Variants in AGBL4 observed in about 807,000 individuals in gnomAD.
The protein encoded by AGBL4 is AGBL carboxypeptidase 4, also known as cytosolic carboxypeptidase 6.
In AGBL4, 58 loss-of-function variants were observed where a neutral mutation model predicts 66.4. The ratio of observed to expected loss-of-function variants is 0.87; its 90% CI spans 0.71 to 1.09. AGBL4 has a LOEUF of 1.09. AGBL4 is among the 50% of genes least tolerant of loss of function. The pLI is 0.00. For missense variants in AGBL4, 579 were observed against 631.0 expected, an observed-to-expected ratio of 0.92 and a Z score of 0.88; for synonymous variants, 234 against 222.9, an observed-to-expected ratio of 1.05 and a Z score of -0.44.
chr1:48,995,277 C>G (rs905525379), intron 5 of AGBL4, among the ~76,000 whole-genome samples: 4 of 152,194 alleles, frequency 2.6e-5, no homozygotes, highest in Admixed American at 6.5e-5. Flanking sequence ...CTATCACAAC[C>G]TCTGGGCTTC....
intron 3 of AGBL4, among the ~76,000 whole-genome samples, chr1:49,261,389 T>C (rs1220373373): frequency 1.3e-5 from 2 of 152,194 alleles, no homozygotes; most frequent in Non-Finnish European, 2.9e-5. Flanking sequence ...GCAGACGACA[T>C]GATTGTATAT....
At chr1:49,508,911 C>T (rs947622695) in intron 3 of AGBL4, among the ~76,000 whole-genome samples, 1 of 151,658 alleles carries the variant, frequency 6.6e-6, no homozygotes, top group African/African-American at 2.4e-5. Context: ...TATGCCCAAA[C>T]TCAATTCATC....
intron 5 of AGBL4, among the ~76,000 whole-genome samples, chr1:49,019,896 A>G (rs764759992): frequency 6.6e-6 from 1 of 152,204 alleles, no homozygotes; most frequent in Non-Finnish European, 1.5e-5. Context: ...CTGATCTTTA[A>G]AATGGACAGA....
intron 4 of AGBL4, among the ~76,000 whole-genome samples, chr1:49,243,071 A>C (rs1225321556): frequency 6.6e-6 from 1 of 151,206 alleles, no homozygotes. Flanking sequence ...ACACACATAC[A>C]TACATATATG....
intron 6 of AGBL4, among the ~76,000 whole-genome samples, chr1:48,826,521 T>C (rs1646429631): frequency 6.6e-6 from 1 of 152,124 alleles, no homozygotes; most frequent in South Asian, 2.1e-4. Context: ...ATAAGCTTCA[T>C]TCAAAGAGAC....
At chr1:49,915,247 G>A (rs1476253549) in intron 1 of AGBL4, among the ~76,000 whole-genome samples, 4 of 152,044 alleles carry the variant, frequency 2.6e-5, no homozygotes, top group African/African-American at 7.3e-5. Flanking sequence ...GCAGGACAGT[G>A]GGTGCAGCCC....
chr1:48,796,606 A>G (rs1645680569), intron 6 of AGBL4, among the ~76,000 whole-genome samples: 2 of 152,248 alleles, frequency 1.3e-5, no homozygotes, highest in African/African-American at 4.8e-5. Context: ...CAGCCAGGAC[A>G]AGAAGAATCC....
At chr1:49,164,867 G>A (rs1425929256) in intron 4 of AGBL4, among the ~76,000 whole-genome samples, 1 of 152,128 alleles carries the variant, frequency 6.6e-6, no homozygotes, top group African/African-American at 2.4e-5. Context: ...GTGACCAAGG[G>A]TTTCTATAAA....
chr1:48,533,035 C>CCCAA lies in AGBL4; in HGVS notation c.*1137_*1138insTTGG, dbSNP rs113596706. The CCCAA allele has an allele frequency of 0.22, 33,855 of 150,814 alleles. 4,042 individuals are homozygous for CCCAA. Among genetic ancestry groups the CCCAA allele is most frequent in the African/African-American group, 0.32 (13,154 of 41,174 alleles). The allele number at this position is 150,814 out of a possible 1,614,324, so 9.3% of individuals were successfully genotyped here. A position where few individuals can be genotyped will look rare whatever the true frequency, so the allele number is the denominator to read the frequency against. ...TGTAGCAAACTTCAATAATCTCCAACTCAAACAAACAAACAAACAAACAAA... is the reference window on the plus strand; with the variant it reads ...TGTAGCAAACTTCAATAATCTCCAACCCAATCAAACAAACAAACAAACAAACAAA... On this transcript the variant is annotated 3_prime_UTR_variant, in exon 14 of 14. Transcript: ENST00000371839.
chr1:49,820,815 C>T (rs550271285), intron 2 of AGBL4, among the ~76,000 whole-genome samples: 6 of 152,186 alleles, frequency 3.9e-5, no homozygotes, highest in South Asian at 4.2e-4. Flanking sequence ...TTTTGAGGTC[C>T]GGTAGGCCTG....
At chr1:49,703,792 G>A (rs1193447061) in intron 2 of AGBL4, among the ~76,000 whole-genome samples, 1 of 151,958 alleles carries the variant, frequency 6.6e-6, no homozygotes, top group Non-Finnish European at 1.5e-5. Flanking sequence ...CTTACTTACA[G>A]ATGAGAGTGT....
intron 6 of AGBL4, among the ~76,000 whole-genome samples, chr1:48,843,123 T>G (rs1646841588): frequency 6.6e-6 from 1 of 152,162 alleles, no homozygotes; most frequent in African/African-American, 2.4e-5. Flanking sequence ...TAATTTTACT[T>G]AACTCTACTG....
chr1:48,617,616 A>C (rs967998679), intron 9 of AGBL4, among the ~76,000 whole-genome samples: 1 of 152,118 alleles, frequency 6.6e-6, no homozygotes, highest in Non-Finnish European at 1.5e-5. Context: ...TTTTAACTGC[A>C]TCCCTCCTAC....
At chr1:49,823,788 G>GTC (rs1205809445) in intron 2 of AGBL4, among the ~76,000 whole-genome samples, 2 of 151,914 alleles carry the variant, frequency 1.3e-5, no homozygotes, top group East Asian at 3.9e-4. Flanking sequence ...ATGTGTGTGT[G>GTC]TGTGTGTGTG....
intron 3 of AGBL4, among the ~76,000 whole-genome samples, chr1:49,506,415 T>A (rs748026748): frequency 6.6e-6 from 1 of 151,988 alleles, no homozygotes; most frequent in Non-Finnish European, 1.5e-5. Flanking sequence ...AATTCCCACA[T>A]GTTGTGGGAG....
At chr1:49,569,911 G>T (rs1229653256) in intron 3 of AGBL4, among the ~76,000 whole-genome samples, 1 of 152,056 alleles carries the variant, frequency 6.6e-6, no homozygotes, top group Admixed American at 6.6e-5. Flanking sequence ...CAAAAGACAT[G>T]ATTTCATTCT....
intron 11 of AGBL4, among the ~76,000 whole-genome samples, chr1:48,572,935 G>A (rs1288262085): frequency 2.6e-5 from 4 of 152,220 alleles, no homozygotes; most frequent in Admixed American, 1.3e-4. Flanking sequence ...AGTCCAGACT[G>A]TTGCTCAGTT....
At chr1:49,827,754 G>T (rs1645548243) in intron 2 of AGBL4, among the ~76,000 whole-genome samples, 1 of 152,112 alleles carries the variant, frequency 6.6e-6, no homozygotes, top group Admixed American at 6.5e-5. Flanking sequence ...AAACTCATGT[G>T]GCAAATTGCA....
Position 48,593,421 on chromosome 1 carries a change from G to A in AGBL4, c.952-2436C>T, listed in dbSNP as rs932555552. Among the ~76,000 whole-genome samples the A allele has an allele frequency of 7.2e-5, 11 of 152,124 alleles. 1 individual carries two copies. Among genetic ancestry groups the A allele is most frequent in the African/African-American group, 2.2e-4 (9 of 41,410 alleles). Reference sequence around the variant, plus strand: ...AAAGAATGTCTTAGTGATGAAATTTGTATATATATTATTTCACACATACAC... The same window carrying A: ...AAAGAATGTCTTAGTGATGAAATTTATATATATATTATTTCACACATACAC... On this transcript the variant is annotated intron_variant, in intron 9 of 13. Transcript: ENST00000371839.
Sources: allele counts gnomAD v4.1 joint callset (sites outside exome capture counted in the v4.1 genomes callset), GRCh38; gene constraint gnomAD v4.1.1; transcripts MANE v1.5; gene names NCBI Gene and HGNC (gene_info 2026-07-23, HGNC 2026-07-21).